PSG7: variants seen among roughly 807,000 people sequenced by gnomAD.
PSG7 encodes the protein pregnancy-specific beta-1-glycoprotein 7.
PSG7 carries 57 observed loss-of-function variants against 45.6 expected under a neutral mutation model. The ratio of observed to expected loss-of-function variants is 1.25; its 90% CI spans 1.01 to 1.56. PSG7 has a LOEUF of 1.56. PSG7 is among the 40% of genes most tolerant of loss of function. PSG7 has a pLI of 0.00. For synonymous variants in PSG7, 298 were observed against 194.4 expected (o/e 1.53, Z -4.43); for missense variants, 796 against 508.4 (o/e 1.57, Z -5.44).
At chr19:42,926,241 C>T (rs1470600049) in intron 4 of PSG7, 197 bp downstream of exon 4, 16 of 1,389,638 alleles carry the variant, frequency 1.2e-5, no homozygotes, top group Admixed American at 5.4e-5. Context: ...AGAGCGTCCA[C>T]TCCCCTTATA....
At chr19:42,934,839 T>G (rs905397736) in intron 2 of PSG7, among the ~76,000 whole-genome samples, 9 of 151,840 alleles carry the variant, frequency 5.9e-5, no homozygotes, top group South Asian at 2.1e-4. Context: ...GCTCTGTCCT[T>G]GCCCAGATGA....
At chr19:42,927,426 G>A (rs1015260783) in intron 3 of PSG7, 1 of 152,596 alleles carries the variant, frequency 6.6e-6, no homozygotes, top group Admixed American at 6.5e-5. Flanking sequence ...TGGTGGTTTT[G>A]GAGCAGAAGC....
In PSG7 at chr19:42,929,583, T is replaced by A. The variant is rs781355956; in HGVS notation, c.568A>T (p.Thr190Ser). The A allele has an allele frequency of 2.5e-6, 4 of 1,612,436 alleles. No individual in the cohort carries two copies. In the South Asian group the frequency reaches 3.3e-5, roughly 13 times the overall value. The change falls in exon 3 of 6, where the codon ACT (threonine) becomes TCT (serine). Residue 190 changes from threonine to serine, a missense_variant. Physicochemically the swap from Thr to Ser is moderately conservative, Grantham distance 58. Coordinates refer to ENST00000406070, the MANE Select transcript of PSG7 (RefSeq NM_002783.3). ...WWMNGQSLPMTHSLQLSETNR... is the reference protein window; with the variant it reads ...WWMNGQSLPMSHSLQLSETNR... ...GTTTCAGACAGCTGCAAGCTGTGAG[T>A]CATAGGGAGGCTCTGACCATTCATC...
rs1002965330 is a variant in PSG7 at position 42,933,114 on chromosome 19, C to A, written c.430+2290G>T. 3.2e-4 allele frequency among the ~76,000 whole-genome samples: 47 copies of A among 148,528 alleles called. 1 individual carries two copies. The highest frequency in any genetic ancestry group is 4.9e-4 in the Non-Finnish European group (33 of 67,064). On this transcript the variant is annotated intron_variant, in intron 2 of 5. Coordinates refer to ENST00000406070, the MANE Select transcript of PSG7 (RefSeq NM_002783.3). ...CCATCACCAAACAATCAGCAGTACT[C>A]ATTTTTTAGTCCTGTGCCCCTGAAA...
chr19:42,933,244 C>T (rs2122692295), intron 2 of PSG7, among the ~76,000 whole-genome samples: 1 of 102,632 alleles, frequency 9.7e-6, no homozygotes, highest in South Asian at 3.8e-4. Flanking sequence ...TAAAATCATT[C>T]TTTACTACAA....
chr19:42,933,392 C>T (rs1250539512), intron 2 of PSG7, among the ~76,000 whole-genome samples: 2 of 139,964 alleles, frequency 1.4e-5, no homozygotes, highest in South Asian at 4.9e-4. Context: ...GAGGAACTGC[C>T]TATCCCTGTC....
intron 1 of PSG7, among the ~76,000 whole-genome samples, chr19:42,936,796 C>T (rs776011996): frequency 6.6e-6 from 1 of 151,414 alleles, no homozygotes; most frequent in East Asian, 1.9e-4. Flanking sequence ...TACAGGAGCA[C>T]ACCACCATAC....
intron 1 of PSG7, 121 bp downstream of exon 1, chr19:42,936,892 C>G (rs1415859721): frequency 2.8e-6 from 4 of 1,435,118 alleles, no homozygotes; most frequent in Non-Finnish European, 3.8e-6. Flanking sequence ...CTTGATCCAC[C>G]CACCTCAGCC....
intron 2 of PSG7, among the ~76,000 whole-genome samples, chr19:42,934,770 C>G (rs942520682): frequency 8.6e-5 from 13 of 151,734 alleles, no homozygotes; most frequent in Admixed American, 5.9e-4. Context: ...AGGCAGTTGG[C>G]TGATGGCCTA....
intron 2 of PSG7, among the ~76,000 whole-genome samples, chr19:42,932,141 A>T (rs4513209): frequency 1.3e-5 from 2 of 150,762 alleles, no homozygotes; most frequent in African/African-American, 4.9e-5. Flanking sequence ...CTCCTGCCTC[A>T]GCCTCCCGAG....
intron 2 of PSG7, among the ~76,000 whole-genome samples, chr19:42,933,708 G>A (rs998803701): frequency 6.6e-6 from 1 of 150,910 alleles, no homozygotes; most frequent in Non-Finnish European, 1.5e-5. Context: ...GAAGATGAGG[G>A]ACACAGAGAA....
chr19:42,933,122 A>G (rs1422414185), intron 2 of PSG7, among the ~76,000 whole-genome samples: 2 of 148,582 alleles, frequency 1.3e-5, no homozygotes, highest in African/African-American at 2.5e-5. Context: ...CTCATTTTTT[A>G]GTCCTGTGCC....
chr19:42,929,232 G>A lies in PSG7; in HGVS notation c.709+210C>T, dbSNP rs900245466. ...TTCCATCACAAGCTGTGGACCCTGA[G>A]TCTCCCATGACAGGAGCAGCCTCTT... On this transcript the variant is annotated intron_variant, in intron 3 of 5. Coordinates refer to ENST00000406070, the MANE Select transcript of PSG7 (RefSeq NM_002783.3). 13 of 1,172,406 alleles carry A rather than the reference G, an allele frequency of 1.1e-5. No individual in the cohort carries two copies. The African/African-American group carries it at 1.4e-4, about 13-fold the overall frequency. The allele number at this position is 1,172,406 out of a possible 1,614,324, so 72.6% of individuals were successfully genotyped here. A position where few individuals can be genotyped will look rare whatever the true frequency, so the allele number is the denominator to read the frequency against.
chr19:42,927,988 A>C (rs1242401244), intron 3 of PSG7, among the ~76,000 whole-genome samples: 1 of 151,670 alleles, frequency 6.6e-6, no homozygotes, highest in African/African-American at 2.4e-5. Flanking sequence ...GATAGATTCA[A>C]AGTCTAAGAT....
At chr19:42,933,047 G>T (rs1444347849) in intron 2 of PSG7, among the ~76,000 whole-genome samples, 2 of 149,566 alleles carry the variant, frequency 1.3e-5, no homozygotes, top group Non-Finnish European at 3.0e-5. Context: ...CCTAGAGGCA[G>T]ATTCAAGCAC....
chr19:42,931,801 C>A (rs1001856427), intron 2 of PSG7, among the ~76,000 whole-genome samples: 2 of 151,498 alleles, frequency 1.3e-5, no homozygotes, highest in African/African-American at 4.9e-5. Flanking sequence ...TATGTTACAG[C>A]CTTTGTAGTT....
In PSG7 at chr19:42,935,568, A is replaced by G. The variant is rs1973130111; in HGVS notation, c.266T>C (p.Ile89Thr). ...TCCACTGTATGCAGGCCCATATTTAATTATTTGACCGTCTACTATATATGA... is the reference window on the plus strand; with the variant it reads ...TCCACTGTATGCAGGCCCATATTTAGTTATTTGACCGTCTACTATATATGA... ...VTSYIVDGQI[I>T]KYGPAYSGRE... Residue 89 changes from isoleucine to threonine, a missense_variant, in exon 2 of 6, where the codon ATT becomes ACT. Physicochemically the swap from Ile to Thr is moderately conservative, Grantham distance 89. Coordinates refer to ENST00000406070, the MANE Select transcript of PSG7 (RefSeq NM_002783.3). The G allele has an allele frequency of 3.7e-6, 6 of 1,611,948 alleles. No individual in the cohort carries two copies. The highest frequency in any genetic ancestry group is 4.2e-6 in the Non-Finnish European group (5 of 1,179,018).
At position 42,935,535 on chromosome 19, in the gene PSG7, G is replaced by C. The variant is rs781789277; in HGVS notation, c.299C>G (p.Thr100Arg). The C allele has an allele frequency of 6.8e-6, 11 of 1,612,018 alleles. No individual in the cohort carries two copies. The highest frequency in any genetic ancestry group is 1.1e-5 in the South Asian group (1 of 90,798). Residue 100 changes from threonine (T) to arginine (R), a missense_variant, in exon 2 of 6, where the codon ACA (threonine) becomes AGA (arginine). Physicochemically the swap from Thr to Arg is moderately conservative, Grantham distance 71 (BLOSUM62 -1). Transcript: ENST00000406070. ...CAGCAGGGATGCATTGGAATATACT[G>C]TTTCTCGTCCACTGTATGCAGGCCC... ...KYGPAYSGRE[T>R]VYSNASLLIQ...
At chr19:42,925,244 A>G (rs1972498497) in intron 5 of PSG7, 3 of 302,190 alleles carry the variant, frequency 9.9e-6, no homozygotes, top group Non-Finnish European at 1.8e-5. Flanking sequence ...ATGATTTGAA[A>G]TGTGTCCTGT....
Sources: allele counts gnomAD v4.1 joint callset (sites outside exome capture counted in the v4.1 genomes callset), GRCh38; gene constraint gnomAD v4.1.1; transcripts MANE v1.5; gene names NCBI Gene and HGNC (gene_info 2026-07-23, HGNC 2026-07-21).